Variants in SFXN5 observed in about 807,000 individuals in gnomAD.
The protein encoded by SFXN5 is sideroflexin-5.
SFXN5 carries 43 observed loss-of-function variants against 50.2 expected under a neutral mutation model. The observed-to-expected ratio is 0.86, with a 90% CI of 0.67 to 1.11. The LOEUF (loss-of-function observed/expected upper bound fraction) is 1.11, where lower values mean the gene tolerates loss of function less well. Among genes scored for constraint, SFXN5 ranks in the 50% least tolerant of loss-of-function variants. The probability of loss-of-function intolerance (pLI) is 0.00; values close to 1 mark genes in which losing one functional copy is unlikely to be tolerated. For synonymous variants in SFXN5, 203 were observed against 185.8 expected, an observed-to-expected ratio of 1.09 and a Z score of -0.75; for missense variants, 463 against 454.1, an observed-to-expected ratio of 1.02 and a Z score of -0.18.
intron 1 of SFXN5, among the ~76,000 whole-genome samples, chr2:73,067,396 G>A (rs1369222474): frequency 6.6e-6 from 1 of 152,162 alleles, no homozygotes; most frequent in East Asian, 1.9e-4. Context: ...GTAAAAAAAA[G>A]TAGTAAAATT....
At chr2:72,955,301 G>A (rs900566743) in intron 13 of SFXN5, among the ~76,000 whole-genome samples, 1 of 152,146 alleles carries the variant, frequency 6.6e-6, no homozygotes, top group East Asian at 1.9e-4. Context: ...GCCCGTTCAC[G>A]CAGTAATCCC....
intron 13 of SFXN5, among the ~76,000 whole-genome samples, chr2:72,949,467 G>A (rs959222215): frequency 1.3e-5 from 2 of 152,122 alleles, no homozygotes; most frequent in Admixed American, 6.5e-5. Flanking sequence ...ACCATGCCTG[G>A]CTAATTTTTA....
At chr2:73,019,781 C>G (rs575725703) in intron 6 of SFXN5, 1 of 159,720 alleles carries the variant, frequency 6.3e-6, no homozygotes, top group Non-Finnish European at 1.4e-5. Context: ...ATGATGAATG[C>G]ACCTTTCTGT....
chr2:72,982,862 G>A (rs1396588295), intron 10 of SFXN5, among the ~76,000 whole-genome samples: 11 of 152,218 alleles, frequency 7.2e-5, no homozygotes, highest in Non-Finnish European at 1.5e-4. Flanking sequence ...CGTTCTCCAG[G>A]GCTGCAGTGG....
chr2:73,006,447 C>A (rs924457914), intron 6 of SFXN5, among the ~76,000 whole-genome samples: 2 of 152,164 alleles, frequency 1.3e-5, no homozygotes, highest in Non-Finnish European at 2.9e-5. Flanking sequence ...CGTGGCGAAA[C>A]CCCATCTCTA....
chr2:72,976,061 A>G (rs917799549), intron 10 of SFXN5, among the ~76,000 whole-genome samples: 9 of 152,238 alleles, frequency 5.9e-5, no homozygotes, highest in African/African-American at 2.2e-4. Context: ...GAGTATGTAC[A>G]TGATGATTTA....
intron 3 of SFXN5, among the ~76,000 whole-genome samples, chr2:73,033,692 G>C (rs535118975): frequency 6.6e-6 from 1 of 152,226 alleles, no homozygotes; most frequent in African/African-American, 2.4e-5. Context: ...AGAGCAGTAG[G>C]AGACAAGATC....
At chr2:73,038,302 T>G (rs983131384) in intron 3 of SFXN5, among the ~76,000 whole-genome samples, 2 of 152,192 alleles carry the variant, frequency 1.3e-5, no homozygotes, top group Non-Finnish European at 2.9e-5. Context: ...AGTAAAAATA[T>G]GGCATAAAAG....
intron 2 of SFXN5, among the ~76,000 whole-genome samples, chr2:73,054,952 TAC>T (rs1359249340): frequency 6.6e-6 from 1 of 152,230 alleles, no homozygotes; most frequent in Non-Finnish European, 1.5e-5. Context: ...GCAACTAAAA[TAC>T]CTATGCCCTT....
At chr2:73,061,479 C>A (rs1682804648) in intron 1 of SFXN5, among the ~76,000 whole-genome samples, 1 of 151,956 alleles carries the variant, frequency 6.6e-6, no homozygotes, top group Admixed American at 6.6e-5. Context: ...CTAATGATAC[C>A]ATGTATATTT....
intron 12 of SFXN5, among the ~76,000 whole-genome samples, chr2:72,964,298 A>G (rs1674117547): frequency 6.6e-6 from 1 of 152,106 alleles, no homozygotes. Context: ...GGGGCTCCCC[A>G]AGGGTGGGGG....
rs995564708 is a variant in SFXN5, at chr2:73,032,810, T to A, written c.249+8044A>T. Among the ~76,000 whole-genome samples, 29 of 152,264 alleles carry A rather than the reference T, an allele frequency of 1.9e-4. 1 individual carries two copies. Among genetic ancestry groups the A allele is most frequent in the African/African-American group, 7.0e-4 (29 of 41,534 alleles). The stretch of plus-strand genomic sequence containing the variant: ...ATCCTTCTGTAAGGCAAAGAATGCC[T>A]CCATAAAACAAACAAAAAAAACTTC... On this transcript the variant is annotated intron_variant, in intron 3 of 13. Coordinates refer to ENST00000272433, the MANE Select transcript of SFXN5 (RefSeq NM_144579.3).
intron 9 of SFXN5, among the ~76,000 whole-genome samples, chr2:72,990,215 A>G (rs1422750882): frequency 3.3e-5 from 5 of 152,220 alleles, no homozygotes; most frequent in Non-Finnish European, 5.9e-5. Flanking sequence ...TCGGGAACAC[A>G]GCCTCCATCT....
chr2:73,051,360 G>C (rs1474501013), intron 2 of SFXN5, among the ~76,000 whole-genome samples: 2 of 148,130 alleles, frequency 1.4e-5, no homozygotes, highest in South Asian at 4.2e-4. Context: ...CCGGGTTCAA[G>C]CAATTCTCTG....
chr2:73,011,400 C>T (rs1675475911), intron 6 of SFXN5, among the ~76,000 whole-genome samples: 1 of 152,080 alleles, frequency 6.6e-6, no homozygotes, highest in South Asian at 2.1e-4. Context: ...TGGAAAAAGA[C>T]TCAAATCAAT....
intron 1 of SFXN5, among the ~76,000 whole-genome samples, chr2:73,069,084 C>T (rs1048656630): frequency 2.0e-5 from 3 of 152,046 alleles, no homozygotes; most frequent in Admixed American, 1.3e-4. Flanking sequence ...GTGGGCCATG[C>T]ATACTTTGGG....
chr2:73,053,141 T>C (rs1265770697), intron 2 of SFXN5, among the ~76,000 whole-genome samples: 1 of 146,360 alleles, frequency 6.8e-6, no homozygotes, highest in African/African-American at 2.6e-5. Flanking sequence ...GCCACCGCAC[T>C]CCAGCCTGGG....
At chr2:73,024,393 A>C (rs144523781) in intron 3 of SFXN5, among the ~76,000 whole-genome samples, 125 of 152,326 alleles carry the variant, frequency 8.2e-4, no homozygotes, top group East Asian at 7.5e-3. Flanking sequence ...ACAGTGGCTC[A>C]CACCTGTAGT....
chr2:73,046,770 A>G (rs1478117859), intron 2 of SFXN5, among the ~76,000 whole-genome samples: 1 of 152,226 alleles, frequency 6.6e-6, no homozygotes, highest in Non-Finnish European at 1.5e-5. Context: ...AAGGGTACTG[A>G]CAATGGGGAT....
Sources: gnomAD v4.1 joint callset for allele counts (sites outside exome capture counted in the v4.1 genomes callset) on GRCh38, gnomAD v4.1.1 for gene constraint, MANE v1.5 for transcripts, NCBI Gene and HGNC (gene_info 2026-07-23, HGNC 2026-07-21) for gene names.